DOCK3: variants seen among roughly 807,000 people sequenced by gnomAD.
The protein encoded by DOCK3 is dedicator of cytokinesis protein 3.
A neutral mutation model predicts 265.6 loss-of-function variants in DOCK3; 60 were observed. The observed-to-expected ratio is 0.23, with a 90% CI of 0.18 to 0.28. The LOEUF (loss-of-function observed/expected upper bound fraction) is 0.28. Among genes scored for constraint, DOCK3 ranks in the 10% least tolerant of loss-of-function variants. The pLI, the probability that DOCK3 is intolerant of heterozygous loss-of-function variation, is 1.00. For synonymous variants in DOCK3, 881 were observed against 938.0 expected (o/e 0.94, Z 1.11); for missense variants, 1,981 against 2,594.3 (o/e 0.76, Z 5.14).
chr3:51,259,395 T>C (rs2079729721), intron 22 of DOCK3, among the ~76,000 whole-genome samples: 1 of 150,292 alleles, frequency 6.7e-6, no homozygotes, highest in Non-Finnish European at 1.5e-5. Context: ...ATCTGTGGCA[T>C]TTTTTTTTTA....
At chr3:51,026,408 T>C (rs2079820411) in intron 5 of DOCK3, among the ~76,000 whole-genome samples, 1 of 150,328 alleles carries the variant, frequency 6.7e-6, no homozygotes, top group African/African-American at 2.4e-5. Context: ...TTTGCATCTA[T>C]GTTTATCAGG....
At chr3:50,680,682 T>G (rs1179556311) in intron 1 of DOCK3, among the ~76,000 whole-genome samples, 1 of 151,760 alleles carries the variant, frequency 6.6e-6, no homozygotes, top group Non-Finnish European at 1.5e-5. Flanking sequence ...ATTTTTAATT[T>G]TTTTTTTTTA....
chr3:51,252,732 A>C (rs561276674), intron 22 of DOCK3, among the ~76,000 whole-genome samples: 1 of 152,284 alleles, frequency 6.6e-6, no homozygotes, highest in Non-Finnish European at 1.5e-5. Context: ...GACTTTGCTG[A>C]AGTTGCTTAT....
At chr3:51,091,306 TGA>T (rs1296653660) in intron 9 of DOCK3, among the ~76,000 whole-genome samples, 1 of 152,190 alleles carries the variant, frequency 6.6e-6, no homozygotes, top group Non-Finnish European at 1.5e-5. Flanking sequence ...TTTGTGTGTG[TGA>T]GAGTGTGTAT....
chr3:51,300,524 A>G (rs1174488673), intron 27 of DOCK3, among the ~76,000 whole-genome samples: 1 of 152,154 alleles, frequency 6.6e-6, no homozygotes, highest in African/African-American at 2.4e-5. Flanking sequence ...TCAGTATGAT[A>G]TTGGCTGTGG....
chr3:50,787,118 C>G, intron 2 of DOCK3: 1 of 700,754 alleles, frequency 1.4e-6, no homozygotes, highest in Non-Finnish European at 2.7e-6. Context: ...AGGCAACAAA[C>G]TAAATGTTTT....
At chr3:50,819,773 C>A (rs1323868394) in intron 2 of DOCK3, among the ~76,000 whole-genome samples, 1 of 152,148 alleles carries the variant, frequency 6.6e-6, no homozygotes, top group East Asian at 1.9e-4. Flanking sequence ...ACCAGCCTGG[C>A]CAACATGGCG....
chr3:51,229,390 G>A (rs1206601674), intron 18 of DOCK3, 122 bp from the exon 19 acceptor site: 11 of 537,508 alleles, frequency 2.0e-5, no homozygotes, highest in Middle Eastern at 2.9e-4. Context: ...GGCGGAGGTT[G>A]CAGTGAGCTG....
intron 5 of DOCK3, among the ~76,000 whole-genome samples, chr3:50,948,609 T>C (rs1264677181): frequency 6.6e-6 from 1 of 150,976 alleles, no homozygotes; most frequent in African/African-American, 2.5e-5. Flanking sequence ...TTCTCTTTTC[T>C]TTTCTTTTCC....
rs537565576 is a variant in DOCK3 at position 51,239,577 on chromosome 3, T to G, written c.2102+1987T>G. On this transcript the variant is annotated intron_variant, in intron 21 of 52. Transcript: ENST00000266037. ...TGGGTTTTTTTTTTGTTTGTTTGTT[T>G]TTTGTTTTTTTTGTTTTTTTTTAGT... is the stretch of plus-strand genomic sequence containing the variant. Among the ~76,000 whole-genome samples, 112 of 151,018 alleles carry G rather than the reference T, an allele frequency of 7.4e-4. 2 individuals carry two copies. Among genetic ancestry groups the G allele is most frequent in the South Asian group, 2.7e-3 (13 of 4,786 alleles).
intron 3 of DOCK3, among the ~76,000 whole-genome samples, chr3:50,872,727 A>G (rs2047490835): frequency 6.6e-6 from 1 of 152,220 alleles, no homozygotes; most frequent in South Asian, 2.1e-4. Flanking sequence ...CTCTTGTACC[A>G]TAGCTGAGCT....
chr3:51,043,770 T>G (rs2080640382), intron 5 of DOCK3, among the ~76,000 whole-genome samples: 1 of 151,878 alleles, frequency 6.6e-6, no homozygotes, highest in Admixed American at 6.6e-5. Flanking sequence ...GCAAAGGATA[T>G]GAACAGATAC....
Position 50,863,746 on chromosome 3 carries a change from G to A in DOCK3, c.162+22031G>A, listed in dbSNP as rs773375220. On this transcript the variant is annotated intron_variant, in intron 3 of 52. Coordinates refer to ENST00000266037, the MANE Select transcript of DOCK3 (RefSeq NM_004947.5). ...CTGTGACTGTGTTATTTCACTTAAC[G>A]TAATGATCACCGGTTCCATTTATGT... Among the ~76,000 whole-genome samples, 10 of 152,170 alleles carry A rather than the reference G, an allele frequency of 6.6e-5. No homozygotes were observed. The South Asian group carries it at 1.0e-3, about 16-fold the overall frequency.
Position 51,381,287 on chromosome 3 carries a change from G to C in DOCK3, c.5821G>C (p.Glu1941Gln), listed in dbSNP as rs782231983. ...CCTCCCTGTCCACTACAGCCTCTCT[G>C]AGTCTGCCGTCCTGGACTCCATCAA... ...PYLPVHYSLS[E>Q]SAVLDSIKAQ... Residue 1941 changes from glutamate to glutamine, a missense_variant, in exon 53 of 53, where the codon GAG (glutamate) becomes CAG (glutamine). Coordinates refer to ENST00000266037, the MANE Select transcript of DOCK3 (RefSeq NM_004947.5). This position sits in a 1 kb window ranked among gnomAD's most constrained non-coding sequence, Gnocchi z 5.6. The C allele has an allele frequency of 3.7e-6, 6 of 1,613,778 alleles. No homozygotes were observed. The highest frequency in any genetic ancestry group is 2.2e-5 in the East Asian group (1 of 44,878).
chr3:51,278,004 C>T, intron 26 of DOCK3: 1 of 985,356 alleles, frequency 1.0e-6, no homozygotes, highest in Non-Finnish European at 1.2e-6. Flanking sequence ...TTCCTGCATA[C>T]TTTGAGCCAA....
intron 5 of DOCK3, among the ~76,000 whole-genome samples, chr3:50,934,660 T>G (rs1176172151): frequency 6.6e-6 from 1 of 151,736 alleles, no homozygotes; most frequent in Non-Finnish European, 1.5e-5. Flanking sequence ...CTGCACAAAA[T>G]AAAAAATTTA....
At chr3:50,889,097 G>C (rs1014039046) in intron 3 of DOCK3, among the ~76,000 whole-genome samples, 1 of 151,048 alleles carries the variant, frequency 6.6e-6, no homozygotes, top group Non-Finnish European at 1.5e-5. Context: ...GTGTGTGTGT[G>C]TGTGTGTGTG....
intron 22 of DOCK3, among the ~76,000 whole-genome samples, chr3:51,248,812 C>A (rs1451144300): frequency 1.3e-5 from 2 of 148,510 alleles, no homozygotes; most frequent in African/African-American, 5.0e-5. Flanking sequence ...GGCCGCCCAT[C>A]GTCTGGGATG....
chr3:51,361,527 A>G lies in DOCK3; in HGVS notation c.5007-332A>G, dbSNP rs2127655. ...CAGACTAATACCCCATAGAAAGGGG[A>G]ACCTGAGGTCTTTGACCTGATTTGG... On this transcript the variant is annotated intron_variant, in intron 47 of 52. Transcript: ENST00000266037. This position sits in a 1 kb window ranked among gnomAD's most constrained non-coding sequence, Gnocchi z 4.2. Among the ~76,000 whole-genome samples the G allele has an allele frequency of 0.87, 132,029 of 152,062 alleles. 57,410 individuals are homozygous for G. The highest frequency in any genetic ancestry group is 0.94 in the East Asian group (4,824 of 5,138).
Sources: gnomAD v4.1 joint callset for allele counts (sites outside exome capture counted in the v4.1 genomes callset) on GRCh38, gnomAD v4.1.1 for gene constraint, Gnocchi (gnomAD v3.1) non-coding constraint, MANE v1.5 for transcripts, NCBI Gene and HGNC (gene_info 2026-07-23, HGNC 2026-07-21) for gene names.